SEMA6D: variants seen among roughly 807,000 people sequenced by gnomAD.
SEMA6D encodes semaphorin 6D.
SEMA6D carries 35 observed loss-of-function variants against 106.6 expected under a neutral mutation model. The ratio of observed to expected loss-of-function variants is 0.33; its 90% CI spans 0.25 to 0.44. The LOEUF is 0.44. SEMA6D is among the 20% of genes least tolerant of loss of function. The pLI is 1.00. For missense variants in SEMA6D, 1,185 were observed against 1,345.9 expected, an observed-to-expected ratio of 0.88 and a Z score of 1.87; for synonymous variants, 499 against 487.7, an observed-to-expected ratio of 1.02 and a Z score of -0.31.
At chr15:47,418,686 A>G (rs1251309788) in intron 2 of SEMA6D, among the ~76,000 whole-genome samples, 2 of 152,068 alleles carry the variant, frequency 1.3e-5, no homozygotes, top group Admixed American at 1.3e-4. Context: ...GTAGGAAGAA[A>G]CTCAGGGTGG....
At chr15:47,552,122 T>C (rs985151934) in intron 3 of SEMA6D, among the ~76,000 whole-genome samples, 3 of 152,044 alleles carry the variant, frequency 2.0e-5, no homozygotes, top group African/African-American at 7.2e-5. Context: ...AAGTGCCCAA[T>C]AGTAGAAGAA....
rs951834138 is a variant in SEMA6D, at chr15:47,763,987, T to G, written c.885T>G (p.Asp295Glu). 5.0e-6 allele frequency: 8 copies of G among 1,613,890 alleles called. No homozygotes were observed. The highest frequency in any genetic ancestry group is 1.3e-5 in the African/African-American group (1 of 74,914). The part of the protein sequence containing the change: ...SVPGDSFFYF[D>E]VLQSITDIIQ... ...CTGGAGATTCGTTTTTCTACTTTGA[T>G]GTTCTGCAGTCTATTACAGACATAA... The change falls in exon 10 of 19, where the codon GAT (aspartate) becomes GAG (glutamate). Residue 295 changes from aspartate (D) to glutamate (E), a missense_variant. Asp to Glu is a conservative substitution (Grantham distance 45). Coordinates refer to ENST00000536845, the MANE Select transcript of SEMA6D (RefSeq NM_001358351.3).
At chr15:47,672,645 A>G (rs1037923325) in intron 4 of SEMA6D, among the ~76,000 whole-genome samples, 2 of 152,194 alleles carry the variant, frequency 1.3e-5, no homozygotes, top group Non-Finnish European at 2.9e-5. Context: ...TGATGATATC[A>G]ATAAAAACAT....
At chr15:47,282,618 A>G (rs1378717944) in intron 1 of SEMA6D, among the ~76,000 whole-genome samples, 2 of 152,168 alleles carry the variant, frequency 1.3e-5, no homozygotes, top group African/African-American at 4.8e-5. Flanking sequence ...TATTTTTAAA[A>G]TGTCTGTGAA....
chr15:47,450,228 T>A (rs943966909), intron 2 of SEMA6D, among the ~76,000 whole-genome samples: 5 of 152,166 alleles, frequency 3.3e-5, no homozygotes, highest in Non-Finnish European at 5.9e-5. Flanking sequence ...ATTCCCGTTC[T>A]CCCTTTTCTG....
chr15:47,498,290 T>G (rs2043736976), intron 3 of SEMA6D, among the ~76,000 whole-genome samples: 1 of 152,136 alleles, frequency 6.6e-6, no homozygotes, highest in African/African-American at 2.4e-5. Flanking sequence ...TTATACCTTA[T>G]TCCTCCTTCC....
intron 4 of SEMA6D, among the ~76,000 whole-genome samples, chr15:47,621,381 A>AT (rs912478498): frequency 4.0e-4 from 60 of 149,224 alleles, no homozygotes; most frequent in Middle Eastern, 3.4e-3. Flanking sequence ...CCCAGGACAG[A>AT]TTTTTTTTTT....
chr15:47,422,991 G>C (rs1386046102), intron 2 of SEMA6D, among the ~76,000 whole-genome samples: 1 of 152,026 alleles, frequency 6.6e-6, no homozygotes, highest in Non-Finnish European at 1.5e-5. Flanking sequence ...GAGAAAAAAA[G>C]ACCTTTGGGC....
intron 1 of SEMA6D, among the ~76,000 whole-genome samples, chr15:47,338,014 A>G (rs181714388): frequency 1.3e-5 from 2 of 152,298 alleles, no homozygotes; most frequent in East Asian, 3.9e-4. Context: ...ATGCAGCTAT[A>G]TTGCCTGCAG....
intron 4 of SEMA6D, among the ~76,000 whole-genome samples, chr15:47,620,107 T>C (rs897760654): frequency 1.3e-5 from 2 of 152,182 alleles, no homozygotes; most frequent in African/African-American, 4.8e-5. Context: ...TAGCAGGTCA[T>C]AGCACAGTGA....
At chr15:47,222,001 G>GCA (rs113628492) in intron 1 of SEMA6D, among the ~76,000 whole-genome samples, 80 of 150,776 alleles carry the variant, frequency 5.3e-4, no homozygotes, top group African/African-American at 1.6e-3. Context: ...ACAAGCAAGC[G>GCA]CACACACACA....
chr15:47,435,906 C>T (rs955345449), intron 2 of SEMA6D, among the ~76,000 whole-genome samples: 14 of 151,968 alleles, frequency 9.2e-5, no homozygotes, highest in African/African-American at 2.9e-4. Flanking sequence ...TTAGTAGGGG[C>T]GATATGGTTT....
chr15:47,551,971 A>G (rs2045707672), intron 3 of SEMA6D, among the ~76,000 whole-genome samples: 1 of 152,010 alleles, frequency 6.6e-6, no homozygotes, highest in East Asian at 1.9e-4. Context: ...TACCAAATTA[A>G]AAGTGCATGC....
chr15:47,550,083 T>G (rs546943794), intron 3 of SEMA6D, among the ~76,000 whole-genome samples: 1 of 152,338 alleles, frequency 6.6e-6, no homozygotes, highest in African/African-American at 2.4e-5. Context: ...TGCTATGGTA[T>G]GGTGCTTTAT....
intron 2 of SEMA6D, among the ~76,000 whole-genome samples, chr15:47,453,053 A>T (rs2042239832): frequency 6.6e-6 from 1 of 151,930 alleles, no homozygotes; most frequent in South Asian, 2.1e-4. Context: ...ACAGCAGATA[A>T]ATCTCCAGAA....
chr15:47,420,805 G>A (rs1198923370), intron 2 of SEMA6D, among the ~76,000 whole-genome samples: 1 of 152,062 alleles, frequency 6.6e-6, no homozygotes, highest in Non-Finnish European at 1.5e-5. Context: ...GAAATCTAAG[G>A]CCTCAGGCCC....
chr15:47,214,679 A>G (rs1202967382), intron 1 of SEMA6D, among the ~76,000 whole-genome samples: 1 of 152,210 alleles, frequency 6.6e-6, no homozygotes, highest in Non-Finnish European at 1.5e-5. Flanking sequence ...CCCTGATACA[A>G]ATAAATAACC....
chr15:47,490,454 G>A (rs2043437674), intron 3 of SEMA6D, among the ~76,000 whole-genome samples: 1 of 152,070 alleles, frequency 6.6e-6, no homozygotes, highest in South Asian at 2.1e-4. Context: ...GACCAGCCTG[G>A]CCAATATGGT....
At chr15:47,233,170 G>A (rs2032321049) in intron 1 of SEMA6D, among the ~76,000 whole-genome samples, 1 of 151,924 alleles carries the variant, frequency 6.6e-6, no homozygotes, top group Admixed American at 6.6e-5. Context: ...TGAATATCCA[G>A]TTGTTCCAGC....
Sources: allele counts gnomAD v4.1 joint callset (sites outside exome capture counted in the v4.1 genomes callset), GRCh38; gene constraint gnomAD v4.1.1; transcripts MANE v1.5; gene names NCBI Gene and HGNC (gene_info 2026-07-23, HGNC 2026-07-21).